Variants in C2orf42 observed in about 807,000 individuals in gnomAD.
C2orf42 encodes the protein chromosome 2 open reading frame 42.
A neutral mutation model predicts 58.9 loss-of-function variants in C2orf42; 44 were observed. The observed-to-expected ratio is 0.75, with a 90% CI of 0.59 to 0.96. C2orf42 has a LOEUF of 0.96. C2orf42 is among the 40% of genes least tolerant of loss of function. The pLI, the probability that C2orf42 is intolerant of heterozygous loss-of-function variation, is 0.00. For synonymous variants in C2orf42, 239 were observed against 265.4 expected, an observed-to-expected ratio of 0.90 and a Z score of 0.97; for missense variants, 630 against 699.2, an observed-to-expected ratio of 0.90 and a Z score of 1.12.
chr2:70,182,155 A>C (rs1453103973), intron 2 of C2orf42, among the ~76,000 whole-genome samples, 158 bp from the exon 3 acceptor site: 1 of 152,012 alleles, frequency 6.6e-6, no homozygotes, highest in Admixed American at 6.6e-5. Context: ...GCTGGAGTGC[A>C]GCGGCGCGAT....
chr2:70,185,675 T>G (rs1674879411), intron 1 of C2orf42, among the ~76,000 whole-genome samples: 1 of 151,638 alleles, frequency 6.6e-6, no homozygotes, highest in Admixed American at 6.6e-5. Context: ...ATCGCACCAC[T>G]GCACTTCAGC....
intron 9 of C2orf42, among the ~76,000 whole-genome samples, chr2:70,153,390 A>G (rs1231016225): frequency 1.4e-5 from 2 of 141,354 alleles, no homozygotes; most frequent in African/African-American, 5.3e-5. Flanking sequence ...TTTGAGACAG[A>G]GTTTTGCTCT....
chr2:70,175,755 T>C lies in C2orf42; in HGVS notation c.957A>G (p.Leu319=). ...TACTGCTCACTGCATCTTGAGGCAG[T>C]AGTGAACTGTTCATCTGTGCACCTA... The part of the protein sequence containing the change: ...EVSGAQMNSS[L]LPQDAVSSNL... The change falls in exon 5 of 10, where the codon CTA becomes CTG. Residue 319 remains leucine (L), a synonymous_variant. Transcript: ENST00000264434. 1 of 1,610,516 alleles carries C rather than the reference T, an allele frequency of 6.2e-7. No individual in the cohort carries two copies. Among genetic ancestry groups the C allele is most frequent in the South Asian group, 1.1e-5 (1 of 91,030 alleles).
chr2:70,150,604 C>T (rs1463910947), intron 9 of C2orf42, 40 bp from the exon 10 acceptor site: 2 of 1,469,470 alleles, frequency 1.4e-6, no homozygotes, highest in East Asian at 2.3e-5. Context: ...TTCCACCTAA[C>T]TCTAATGGGT....
chr2:70,175,559 T>C, intron 5 of C2orf42, 114 bp downstream of exon 5: 1 of 746,952 alleles, frequency 1.3e-6, no homozygotes, highest in Non-Finnish European at 2.5e-6. Flanking sequence ...TCAGTGCTTC[T>C]GTTAGTATTT....
At chr2:70,181,027 A>AT in intron 3 of C2orf42, 136 bp downstream of exon 3, 1 of 371,248 alleles carries the variant, frequency 2.7e-6, no homozygotes, top group Non-Finnish European at 4.7e-6. Flanking sequence ...AAAAAAAAAA[A>AT]GAAGGAACAC....
intron 5 of C2orf42, 98 bp downstream of exon 5, chr2:70,175,575 G>T: frequency 1.3e-6 from 1 of 784,402 alleles, no homozygotes; most frequent in Non-Finnish European, 2.3e-6. Flanking sequence ...TATTTATGCT[G>T]GGACTCTTTG....
At chr2:70,176,254 C>T (rs1674183179) in intron 4 of C2orf42, among the ~76,000 whole-genome samples, 1 of 152,160 alleles carries the variant, frequency 6.6e-6, no homozygotes, top group African/African-American at 2.4e-5. Context: ...TCTGTAATCC[C>T]AGCACTTTGG....
In C2orf42 at chr2:70,165,167, T is replaced by A. The variant is rs567442826; in HGVS notation, c.1278A>T (p.Pro426=). ...AAGTATACTTGGAAAAGGTTCCCAGTGGCAAGGCATCTTTCCGAACAAAAG... is the reference window on the plus strand; with the variant it reads ...AAGTATACTTGGAAAAGGTTCCCAGAGGCAAGGCATCTTTCCGAACAAAAG... ...TTAFVRKDAL[P]LGTFSKYTWH... Residue 426 remains proline (P), a synonymous_variant, in exon 8 of 10, where the codon CCA becomes CCT. Coordinates refer to ENST00000264434, the MANE Select transcript of C2orf42 (RefSeq NM_017880.3). 1 of 1,608,252 alleles carries A rather than the reference T, an allele frequency of 6.2e-7. No individual in the cohort carries two copies. Among genetic ancestry groups the A allele is most frequent in the Admixed American group, 1.7e-5 (1 of 59,120 alleles).
At chr2:70,155,661 G>T (rs1412268632) in intron 9 of C2orf42, among the ~76,000 whole-genome samples, 3 of 151,612 alleles carry the variant, frequency 2.0e-5, no homozygotes, top group Non-Finnish European at 4.4e-5. Flanking sequence ...TTAGCCAGGC[G>T]TGGTGGCGGG....
At chr2:70,177,681 T>C (rs1674281978) in intron 4 of C2orf42, among the ~76,000 whole-genome samples, 1 of 152,200 alleles carries the variant, frequency 6.6e-6, no homozygotes, top group Non-Finnish European at 1.5e-5. Flanking sequence ...TAGCAATGTA[T>C]ACTACACTAG....
chr2:70,151,246 G>A (rs1182686489), intron 9 of C2orf42, among the ~76,000 whole-genome samples: 4 of 152,288 alleles, frequency 2.6e-5, no homozygotes, highest in East Asian at 1.9e-4. Flanking sequence ...CTACTTGGGA[G>A]ACTGAGGTGG....
At chr2:70,154,259 T>C (rs541323792) in intron 9 of C2orf42, among the ~76,000 whole-genome samples, 7 of 150,918 alleles carry the variant, frequency 4.6e-5, no homozygotes, top group Admixed American at 1.3e-4. Context: ...TCACAAAGAA[T>C]AGAATTAAAA....
At chr2:70,152,636 G>A (rs1029296297) in intron 9 of C2orf42, among the ~76,000 whole-genome samples, 1 of 152,132 alleles carries the variant, frequency 6.6e-6, no homozygotes, top group Non-Finnish European at 1.5e-5. Context: ...AATGAGCAGC[G>A]CCACTTCGTT....
intron 9 of C2orf42, among the ~76,000 whole-genome samples, chr2:70,157,126 T>C (rs1372324124): frequency 6.6e-6 from 1 of 152,152 alleles, no homozygotes; most frequent in Non-Finnish European, 1.5e-5. Context: ...TCTTCTAGTC[T>C]TTGGCAGGTC....
Position 70,181,744 on chromosome 2 carries a change from T to C in C2orf42, c.242A>G (p.Asp81Gly), listed in dbSNP as rs1384361542. ...DLQVYSVRQR[D>G]RGPDYRCFVE... ...AAAGCATCGGTAATCAGGGCCCCGGTCTCTTTGCCGCACTGAGTAGACCTG... is the reference window on the plus strand; with the variant it reads ...AAAGCATCGGTAATCAGGGCCCCGGCCTCTTTGCCGCACTGAGTAGACCTG... Residue 81 changes from aspartate (D) to glycine (G), a missense_variant, in exon 3 of 10, where the codon GAC (aspartate) becomes GGC (glycine). Transcript: ENST00000264434. 1.2e-6 allele frequency: 2 copies of C among 1,614,114 alleles called. No individual in the cohort carries two copies. The highest frequency in any genetic ancestry group is 1.7e-6 in the Non-Finnish European group (2 of 1,180,010).
intron 9 of C2orf42, among the ~76,000 whole-genome samples, chr2:70,151,713 CAAT>C (rs1186413616): frequency 3.9e-5 from 6 of 152,072 alleles, no homozygotes; most frequent in African/African-American, 1.4e-4. Flanking sequence ...TAAAAATTAA[CAAT>C]GTATATACAT....
At position 70,174,668 on chromosome 2, in the gene C2orf42, C is replaced by G. The variant is rs1440959604; in HGVS notation, c.1039+1005G>C. ...TTGCTGCTGTTACAACCCTCCCAACCCCCTCTTTCTTTTTTTTTTGAGACT... is the reference window on the plus strand; with the variant it reads ...TTGCTGCTGTTACAACCCTCCCAACGCCCTCTTTCTTTTTTTTTTGAGACT... On this transcript the variant is annotated intron_variant, in intron 5 of 9. Transcript: ENST00000264434. Among the ~76,000 whole-genome samples the G allele has an allele frequency of 2.0e-5, 3 of 151,902 alleles. No individual in the cohort carries two copies. The East Asian group carries it at 5.8e-4, about 29-fold the overall frequency.
intron 5 of C2orf42, among the ~76,000 whole-genome samples, chr2:70,174,325 T>A (rs1318084500): frequency 1.3e-5 from 2 of 151,902 alleles, no homozygotes; most frequent in African/African-American, 4.8e-5. Flanking sequence ...AATAAATAAA[T>A]AAAAATAAAT....
Sources: gnomAD v4.1 joint callset for allele counts (sites outside exome capture counted in the v4.1 genomes callset) on GRCh38, gnomAD v4.1.1 for gene constraint, MANE v1.5 for transcripts, NCBI Gene and HGNC (gene_info 2026-07-23, HGNC 2026-07-21) for gene names.